The following PVT1 variants were observed in gnomAD, a reference collection of about 807,000 sequenced individuals.
PVT1 encodes the protein Pvt1 oncogene.
At chr8:127,836,633 A>G (rs1409273372) in intron 2 of PVT1, among the ~76,000 whole-genome samples, 9 of 152,214 alleles carry the variant, frequency 5.9e-5, no homozygotes, top group East Asian at 1.9e-4. Flanking sequence ...CTGACTGCTA[A>G]TAATAAAATA....
At chr8:127,977,710 C>T (rs188810828) in intron 3 of PVT1, among the ~76,000 whole-genome samples, 90 of 148,324 alleles carry the variant, frequency 6.1e-4, no homozygotes, top group African/African-American at 2.1e-3. Context: ...ACTCCAGCCT[C>T]GGCAACGAAG....
chr8:128,025,939 G>A (rs6470599), intron 4 of PVT1, among the ~76,000 whole-genome samples: 21,919 of 151,678 alleles, frequency 0.14, 3,564 homozygotes, highest in African/African-American at 0.41. Context: ...TTCCTTATGA[G>A]AATCCAGCCT....
intron 3 of PVT1, among the ~76,000 whole-genome samples, chr8:127,905,399 G>A (rs572432678): frequency 6.6e-6 from 1 of 152,352 alleles, no homozygotes; most frequent in Non-Finnish European, 1.5e-5. Flanking sequence ...TGTCCACGGG[G>A]AGCCTCACAT....
chr8:127,831,592 AGACATG>A (rs1222126337), intron 2 of PVT1, among the ~76,000 whole-genome samples: 1 of 152,166 alleles, frequency 6.6e-6, no homozygotes, highest in Non-Finnish European at 1.5e-5. Context: ...ACATAGGACT[AGACATG>A]GCCACTAGTG....
chr8:127,935,911 G>C (rs1015645731), intron 3 of PVT1, among the ~76,000 whole-genome samples: 1 of 152,132 alleles, frequency 6.6e-6, no homozygotes, highest in East Asian at 1.9e-4. Flanking sequence ...AGAGGTGTCA[G>C]TGGGTGGTGT....
intron 3 of PVT1, among the ~76,000 whole-genome samples, chr8:127,926,205 G>A (rs1386788935): frequency 6.6e-6 from 1 of 152,178 alleles, no homozygotes; most frequent in Non-Finnish European, 1.5e-5. Flanking sequence ...GGCTGATTCA[G>A]CCCAGGCAGT....
intron 3 of PVT1, among the ~76,000 whole-genome samples, chr8:127,963,390 G>A (rs1335286541): frequency 6.6e-6 from 1 of 152,150 alleles, no homozygotes; most frequent in Non-Finnish European, 1.5e-5. Flanking sequence ...CCTGTTTGGT[G>A]CATGGGTGAG....
Position 127,930,350 on chromosome 8 carries a change from A to T in PVT1, n.782+39352A>T, listed in dbSNP as rs564392673. On this transcript the variant is annotated intron_variant and non_coding_transcript_variant, in intron 3 of 10. Transcript: ENST00000651587. ...TTTTTTGCATTTTTAGTAGAGACGA[A>T]GTTTTGCCATGTTGGCCAGGCTGGT... 3.4e-4 allele frequency among the ~76,000 whole-genome samples: 51 copies of T among 152,180 alleles called. No homozygotes were observed. In the East Asian group the frequency reaches 8.9e-3, roughly 26 times the overall value.
intron 2 of PVT1, among the ~76,000 whole-genome samples, chr8:127,796,476 GT>G (rs914822661): frequency 3.3e-5 from 5 of 149,318 alleles, no homozygotes; most frequent in East Asian, 3.9e-4. Flanking sequence ...TTCTTTAGTT[GT>G]TTTTTTTTTC....
At chr8:128,079,082 C>T in intron 5 of PVT1, among the ~76,000 whole-genome samples, 1 of 149,390 alleles carries the variant, frequency 6.7e-6, no homozygotes. Flanking sequence ...TTTCCACAAG[C>T]ATTGTCCACT....
intron 3 of PVT1, chr8:127,946,611 T>G (rs1816423831): frequency 6.5e-6 from 1 of 154,008 alleles, no homozygotes; most frequent in Non-Finnish European, 1.5e-5. Flanking sequence ...TGGACCCTCT[T>G]GTAAGAGCTT....
rs532571414 is a variant in PVT1, at chr8:127,880,770, T to G, written n.373-9819T>G. The stretch of plus-strand genomic sequence containing the variant: ...CGTGCACCACCATGACTGGCTAATT[T>G]TTTGTACTTTAGTAGAGACGGGGTT... On this transcript the variant is annotated intron_variant and non_coding_transcript_variant, in intron 2 of 10. Transcript: ENST00000651587. 1.5e-4 allele frequency among the ~76,000 whole-genome samples: 23 copies of G among 152,064 alleles called. 1 individual carries two copies. The highest frequency in any genetic ancestry group is 1.6e-4 in the Non-Finnish European group (11 of 67,984).
intron 2 of PVT1, among the ~76,000 whole-genome samples, chr8:127,863,168 G>A (rs1815247940): frequency 6.6e-6 from 1 of 151,902 alleles, no homozygotes; most frequent in African/African-American, 2.4e-5. Flanking sequence ...CTGGAGTGCA[G>A]TGGCATGATC....
intron 2 of PVT1, among the ~76,000 whole-genome samples, chr8:127,857,496 G>A (rs1815174744): frequency 6.6e-6 from 1 of 152,026 alleles, no homozygotes; most frequent in South Asian, 2.1e-4. Context: ...AGCATAGTGA[G>A]GTCCCATCTC....
Position 127,901,681 on chromosome 8 carries a change from G to T in PVT1, n.782+10683G>T, listed in dbSNP as rs1815760530. Among the ~76,000 whole-genome samples the T allele has an allele frequency of 7.2e-5, 11 of 152,068 alleles. 1 individual carries two copies. In the South Asian group the frequency reaches 2.3e-3, roughly 32 times the overall value. ...CCCACCTTGGCCTCCCAAAGTGCTG[G>T]AATTATAGGCATGAACCACCATTGT... On this transcript the variant is annotated intron_variant and non_coding_transcript_variant, in intron 3 of 10. Transcript: ENST00000651587.
intron 2 of PVT1, among the ~76,000 whole-genome samples, chr8:127,887,647 T>A (rs1037515880): frequency 1.3e-5 from 2 of 152,198 alleles, no homozygotes; most frequent in Non-Finnish European, 1.5e-5. Context: ...TTCCTCAGCC[T>A]CCCAGGTAGC....
chr8:127,815,286 G>T (rs1018801925), intron 2 of PVT1, among the ~76,000 whole-genome samples: 2 of 152,166 alleles, frequency 1.3e-5, no homozygotes, highest in African/African-American at 4.8e-5. Flanking sequence ...TCTTTCAAAG[G>T]TATATCTCCG....
intron 4 of PVT1, among the ~76,000 whole-genome samples, chr8:128,024,311 A>G (rs915398506): frequency 6.6e-6 from 1 of 152,156 alleles, no homozygotes; most frequent in African/African-American, 2.4e-5. Context: ...AAATTCCTGG[A>G]TAAAAGTTGC....
chr8:127,913,103 G>C (rs570120417), intron 3 of PVT1, among the ~76,000 whole-genome samples: 1 of 152,220 alleles, frequency 6.6e-6, no homozygotes, highest in South Asian at 2.1e-4. Flanking sequence ...GCTTGCCTCG[G>C]CCTCCCAAAG....
Sources: allele counts gnomAD v4.1 joint callset (sites outside exome capture counted in the v4.1 genomes callset), GRCh38; gene constraint gnomAD v4.1.1; transcripts MANE v1.5; gene names NCBI Gene and HGNC (gene_info 2026-07-23, HGNC 2026-07-21).